TRIM36: variants seen among roughly 807,000 people sequenced by gnomAD.
TRIM36 encodes E3 ubiquitin-protein ligase TRIM36.
Under a neutral mutation model 72.4 loss-of-function variants are expected in TRIM36, and 42 were observed. That is an observed-to-expected ratio of 0.58 (90% CI 0.45 to 0.75). The LOEUF (loss-of-function observed/expected upper bound fraction) is 0.75. Among genes scored for constraint, TRIM36 ranks in the 30% least tolerant of loss-of-function variants. The pLI, the probability that TRIM36 is intolerant of heterozygous loss-of-function variation, is 0.00. For missense variants in TRIM36, 913 were observed against 857.1 expected (o/e 1.07, Z -0.81); for synonymous variants, 315 against 282.8 (o/e 1.11, Z -1.14).
chr5:115,141,205 T>A, intron 5 of TRIM36, 74 bp downstream of exon 5: 1 of 1,142,074 alleles, frequency 8.8e-7, no homozygotes, highest in South Asian at 1.4e-5. Flanking sequence ...ACTCTCAGGA[T>A]TTTATGAACA....
chr5:115,146,606 T>C (rs1753606193), intron 3 of TRIM36, among the ~76,000 whole-genome samples: 1 of 152,200 alleles, frequency 6.6e-6, no homozygotes, highest in South Asian at 2.1e-4. Context: ...AACCATTATA[T>C]CACAAACTAC....
At position 115,126,716 on chromosome 5, in the gene TRIM36, T is replaced by G. The variant is rs371363704; in HGVS notation, c.1938A>C (p.Arg646Ser). 1.2e-6 allele frequency: 2 copies of G among 1,614,088 alleles called. No homozygotes were observed. Among genetic ancestry groups the G allele is most frequent in the African/African-American group, 2.7e-5 (2 of 74,940 alleles). ...SPTSSNEPEN[R>S]VLPMPTSIGI... ...CAATACTTGTTGGCATAGGGAGAAC[T>G]CTATTTTCAGGTTCATTAGAAGAAG... Residue 646 changes from arginine to serine, a missense_variant, in exon 10 of 10, where the codon AGA (arginine) becomes AGC (serine). Arg to Ser is a moderately radical substitution (Grantham distance 110). Coordinates refer to ENST00000513154, the MANE Select transcript of TRIM36 (RefSeq NM_001300759.2).
chr5:115,159,593 C>A lies in TRIM36; in HGVS notation c.262+3925G>T, dbSNP rs918479629. ...TTACACAAGATTATTTAATTTAAAT[C>A]TAACACTATATTGCCTGCGGCCACA... is the stretch of plus-strand genomic sequence containing the variant. On this transcript the variant is annotated intron_variant, in intron 2 of 9. Transcript: ENST00000513154. 3.6e-5 allele frequency: 16 copies of A among 441,462 alleles called. No individual in the cohort carries two copies. In the Admixed American group the frequency reaches 4.1e-4, roughly 11 times the overall value. The allele number at this position is 441,462 out of a possible 1,614,324, so 27.3% of individuals were successfully genotyped here.
At chr5:115,152,453 G>C (rs1753944622) in intron 2 of TRIM36, among the ~76,000 whole-genome samples, 1 of 152,140 alleles carries the variant, frequency 6.6e-6, no homozygotes, top group Admixed American at 6.5e-5. Context: ...ATATTTGGGG[G>C]AATAATCGAG....
chr5:115,144,711 TTC>T lies in TRIM36; in HGVS notation c.620_621del (p.Arg207AsnfsTer6). 1 of 1,614,060 alleles carries T rather than the reference TTC, an allele frequency of 6.2e-7. No homozygotes were observed. Among genetic ancestry groups the T allele is most frequent in the Non-Finnish European group, 8.5e-7 (1 of 1,180,002 alleles). ...CTACATAATTCACAGTACATGTTTA[TTC>T]TCTCTGTTTCATGTTCTGGGCACAT... is the stretch of plus-strand genomic sequence containing the variant. ...ILMCPEHETE[R>X]INMYCELCRR... On this transcript the variant is annotated frameshift_variant, in exon 4 of 10. Coordinates refer to ENST00000513154, the MANE Select transcript of TRIM36 (RefSeq NM_001300759.2). LOFTEE classifies it high-confidence loss of function.
intron 1 of TRIM36, chr5:115,169,218 T>G (rs1754956968): frequency 5.1e-6 from 1 of 196,816 alleles, no homozygotes; most frequent in Non-Finnish European, 1.0e-5. Flanking sequence ...TCAAGACGCC[T>G]AGACAAAGGG....
rs116831181 is a variant in TRIM36 at position 115,142,129 on chromosome 5, T to C, written c.736-755A>G. On this transcript the variant is annotated intron_variant, in intron 4 of 9. Transcript: ENST00000513154. ...GAGAGTCTAAATAAGAATAAGAACA[T>C]CCAGAAAACACCTTTCAAGCTGTAG... Among the ~76,000 whole-genome samples the C allele has an allele frequency of 7.3e-3, 1,103 of 152,008 alleles. 23 individuals are homozygous for C. The highest frequency in any genetic ancestry group is 0.024 in the African/African-American group (991 of 41,450).
chr5:115,171,195 A>T (rs964178280), upstream of TRIM36: 1 of 1,614,102 alleles, frequency 6.2e-7, no homozygotes, highest in Non-Finnish European at 8.5e-7. Context: ...CCCTGTCTGC[A>T]GCGGTAGCCT....
At position 115,169,604 on chromosome 5, in the gene TRIM36, T is replaced by C; in HGVS notation, c.27+4A>G. On this transcript the variant is annotated splice_donor_region_variant and intron_variant, in intron 1 of 9. Coordinates refer to ENST00000513154, the MANE Select transcript of TRIM36 (RefSeq NM_001300759.2). Reference sequence around the variant, plus strand: ...GTGGGGGCGGCGGTCCCCTCCGCACTCACCGGCGAATCTGAGCCATCGCCC... The same window carrying C: ...GTGGGGGCGGCGGTCCCCTCCGCACCCACCGGCGAATCTGAGCCATCGCCC... The C allele has an allele frequency of 6.6e-7, 1 of 1,521,378 alleles. No individual in the cohort carries two copies. The highest frequency in any genetic ancestry group is 8.8e-7 in the Non-Finnish European group (1 of 1,140,228). 94.2% of individuals were successfully genotyped at this position (1,521,378 alleles called of 1,614,324 possible). A position where few individuals can be genotyped will look rare whatever the true frequency, so the allele number is the denominator to read the frequency against.
rs1349769877 is a variant in TRIM36, at chr5:115,125,279, A to G, written c.*1224T>C. Reference sequence around the variant, plus strand: ...AAAAAAATAAGTACTTTAAATAAAAACCACCTACTTGAAAGCAACACCTTT... The same window carrying G: ...AAAAAAATAAGTACTTTAAATAAAAGCCACCTACTTGAAAGCAACACCTTT... On this transcript the variant is annotated 3_prime_UTR_variant, in exon 10 of 10. Transcript: ENST00000513154. 1 of 152,176 alleles carries G rather than the reference A, an allele frequency of 6.6e-6. No individual in the cohort carries two copies. The highest frequency in any genetic ancestry group is 1.5e-5 in the Non-Finnish European group (1 of 67,994). The allele number at this position is 152,176 out of a possible 1,614,324, so 9.4% of individuals were successfully genotyped here.
At chr5:115,141,876 T>C (rs909910072) in intron 4 of TRIM36, among the ~76,000 whole-genome samples, 1 of 152,116 alleles carries the variant, frequency 6.6e-6, no homozygotes, top group African/African-American at 2.4e-5. Flanking sequence ...TACACAATAA[T>C]GAAAATATAG....
In TRIM36 at chr5:115,134,169, AAAC is replaced by A. The variant is rs767354101; in HGVS notation, c.1211-25_1211-23del. ...ATGCCTGAAAGAATTATGAAATAGA[AAAC>A]AACATTAAAATATTGACATTTGAAA... On this transcript the variant is annotated intron_variant, in intron 7 of 9. Coordinates refer to ENST00000513154, the MANE Select transcript of TRIM36 (RefSeq NM_001300759.2). The A allele has an allele frequency of 2.0e-6, 3 of 1,520,704 alleles. No individual in the cohort carries two copies. The East Asian group carries it at 6.9e-5, about 35-fold the overall frequency. The allele number at this position is 1,520,704 out of a possible 1,614,324, so 94.2% of individuals were successfully genotyped here.
At position 115,138,345 on chromosome 5, in the gene TRIM36, C is replaced by G. The variant is rs182748694; in HGVS notation, c.832-729G>C. ...TGATCTCCTGACATCATGATCAACC[C>G]GCCTCGGCCTCCCAAAGTGTTGGGA... On this transcript the variant is annotated intron_variant, in intron 5 of 9. Transcript: ENST00000513154. Among the ~76,000 whole-genome samples, 541 of 152,144 alleles carry G rather than the reference C, an allele frequency of 3.6e-3. 2 individuals carry two copies. The highest frequency in any genetic ancestry group is 0.012 in the African/African-American group (504 of 41,502).
rs1753606760 is a variant in TRIM36 at position 115,146,627 on chromosome 5, G to T, written c.588+442C>A. Among the ~76,000 whole-genome samples the T allele has an allele frequency of 2.0e-5, 3 of 152,078 alleles. No homozygotes were observed. In the South Asian group the frequency reaches 6.2e-4, roughly 32 times the overall value. ...TATATCACAAACTACAAAGTATTAG[G>T]CTGTAATTACTTTTATTCATTGTAC... On this transcript the variant is annotated intron_variant, in intron 3 of 9. Transcript: ENST00000513154.
At chr5:115,179,154 C>G (rs908420119) in intron 1 of TRIM36, among the ~76,000 whole-genome samples, 1 of 152,220 alleles carries the variant, frequency 6.6e-6, no homozygotes, top group East Asian at 1.9e-4. Context: ...TGTGCAGCCT[C>G]CGTACTTCCC....
intron 2 of TRIM36, among the ~76,000 whole-genome samples, chr5:115,150,975 A>G (rs1452899244): frequency 6.6e-6 from 1 of 152,198 alleles, no homozygotes; most frequent in African/African-American, 2.4e-5. Flanking sequence ...GGCCACAGGG[A>G]GAAGGAAACC....
intron 5 of TRIM36, among the ~76,000 whole-genome samples, chr5:115,141,050 CTCT>C (rs1266686494): frequency 2.6e-5 from 4 of 152,022 alleles, no homozygotes; most frequent in Non-Finnish European, 5.9e-5. Context: ...CATTTTTTCC[CTCT>C]GTGTTCCAAT....
intron 4 of TRIM36, among the ~76,000 whole-genome samples, chr5:115,143,383 C>T (rs60548555): frequency 0.47 from 71,480 of 151,736 alleles, 17,477 homozygotes; most frequent in East Asian, 0.68. Flanking sequence ...TCCAAGCAAC[C>T]TAATCACATA....
intron 2 of TRIM36, among the ~76,000 whole-genome samples, chr5:115,152,678 C>A (rs1303568920): frequency 6.6e-6 from 1 of 152,094 alleles, no homozygotes; most frequent in Non-Finnish European, 1.5e-5. Flanking sequence ...TCAGCAGAAA[C>A]CCTACAGGCT....
Sources: allele counts gnomAD v4.1 joint callset (sites outside exome capture counted in the v4.1 genomes callset), GRCh38; gene constraint gnomAD v4.1.1; transcripts MANE v1.5; gene names NCBI Gene and HGNC (gene_info 2026-07-23, HGNC 2026-07-21).